Variants in TYW1B observed in about 807,000 individuals in gnomAD.
The protein encoded by TYW1B is S-adenosyl-L-methionine-dependent tRNA 4-demethylwyosine synthase TYW1B.
In TYW1B, 73 loss-of-function variants were observed where a neutral mutation model predicts 86.9. The ratio of observed to expected loss-of-function variants is 0.84; its 90% CI spans 0.70 to 1.02. TYW1B has a LOEUF of 1.02. Ranked by LOEUF, TYW1B falls within the 50% of genes least tolerant of loss-of-function variation. TYW1B has a pLI of 0.00. For synonymous variants in TYW1B, 248 were observed against 292.8 expected, an observed-to-expected ratio of 0.85 and a Z score of 1.56; for missense variants, 637 against 827.4, an observed-to-expected ratio of 0.77 and a Z score of 2.82.
chr7:72,574,799 C>T lies in TYW1B; in HGVS notation c.*699G>A, dbSNP rs1420704834. 1 of 985,324 alleles carries T rather than the reference C, an allele frequency of 1.0e-6. No homozygotes were observed. The highest frequency in any genetic ancestry group is 1.7e-5 in the African/African-American group (1 of 57,224). The allele number at this position is 985,324 out of a possible 1,614,324, so 61.0% of individuals were successfully genotyped here. On this transcript the variant is annotated 3_prime_UTR_variant, in exon 14 of 14. Coordinates refer to ENST00000620995, the MANE Select transcript of TYW1B (RefSeq NM_001145440.3). ...TGAGACTAATGACTCCATGCCCTCA[C>T]ATGGCCACTCCTCTTACAGCAGACA...
At chr7:72,584,955 T>C (rs1554430270) in intron 13 of TYW1B, among the ~76,000 whole-genome samples, 1 of 152,204 alleles carries the variant, frequency 6.6e-6, no homozygotes, top group East Asian at 1.9e-4. Flanking sequence ...TTTGATTTTA[T>C]TTACAAGCTT....
At chr7:72,786,773 T>C (rs1788137669) in intron 6 of TYW1B, among the ~76,000 whole-genome samples, 1 of 151,862 alleles carries the variant, frequency 6.6e-6, no homozygotes, top group Admixed American at 6.6e-5. Context: ...CAGGGTTTCG[T>C]CATATTGCCC....
intron 10 of TYW1B, among the ~76,000 whole-genome samples, chr7:72,701,265 C>A (rs563717259): frequency 7.9e-5 from 12 of 152,086 alleles, no homozygotes; most frequent in African/African-American, 2.9e-4. Context: ...TAGACATTTT[C>A]TTTTTATTTA....
chr7:72,799,924 C>T (rs1788376215), intron 6 of TYW1B, among the ~76,000 whole-genome samples: 1 of 152,038 alleles, frequency 6.6e-6, no homozygotes, highest in Non-Finnish European at 1.5e-5. Flanking sequence ...TTTTTCATTG[C>T]TTCTAGATTT....
intron 11 of TYW1B, among the ~76,000 whole-genome samples, chr7:72,633,633 T>C (rs1554440330): frequency 6.6e-6 from 1 of 152,200 alleles, no homozygotes. Flanking sequence ...AATAGTCTAG[T>C]TTTTGCCTGT....
chr7:72,785,970 G>A (rs538720314), intron 6 of TYW1B, among the ~76,000 whole-genome samples: 52 of 152,186 alleles, frequency 3.4e-4, no homozygotes, highest in African/African-American at 9.9e-4. Context: ...AAAATTAGCC[G>A]GGCGTGGTGG....
chr7:72,767,495 A>C (rs1554468735), intron 7 of TYW1B, among the ~76,000 whole-genome samples: 1 of 152,096 alleles, frequency 6.6e-6, no homozygotes, highest in African/African-American at 2.4e-5. Context: ...CTGTAGTCCC[A>C]GCTACTCAGG....
chr7:72,622,715 CACAACACACATACATGCACACAT>C (rs1311433299), intron 12 of TYW1B, among the ~76,000 whole-genome samples: 26 of 150,594 alleles, frequency 1.7e-4, no homozygotes, highest in Middle Eastern at 6.9e-3. Flanking sequence ...CATGCACACA[CACAACACACATACATGCACACAT>C]ACAACACACA....
intron 6 of TYW1B, among the ~76,000 whole-genome samples, chr7:72,781,275 G>C (rs1788045284): frequency 6.6e-6 from 1 of 152,124 alleles, no homozygotes; most frequent in South Asian, 2.1e-4. Context: ...GGAAAAGAAA[G>C]AATTAAGAAG....
At chr7:72,749,220 G>A (rs1361043021) in intron 7 of TYW1B, among the ~76,000 whole-genome samples, 1 of 152,164 alleles carries the variant, frequency 6.6e-6, no homozygotes, top group Non-Finnish European at 1.5e-5. Flanking sequence ...AAAATTGTTT[G>A]CAGCACTCCC....
intron 11 of TYW1B, among the ~76,000 whole-genome samples, chr7:72,636,854 T>C (rs188603160): frequency 4.6e-5 from 7 of 152,320 alleles, no homozygotes; most frequent in Middle Eastern, 3.4e-3. Context: ...AAATCGCTTT[T>C]GTCTTATTCT....
At chr7:72,699,736 A>C (rs1301837801) in intron 10 of TYW1B, among the ~76,000 whole-genome samples, 1 of 148,490 alleles carries the variant, frequency 6.7e-6, no homozygotes, top group Non-Finnish European at 1.5e-5. Flanking sequence ...CACAACCTCC[A>C]CCTCCCGGGT....
chr7:72,804,639 A>G (rs1788462964), intron 5 of TYW1B, among the ~76,000 whole-genome samples: 1 of 152,140 alleles, frequency 6.6e-6, no homozygotes, highest in African/African-American at 2.4e-5. Flanking sequence ...GGAGTTTGAG[A>G]TCAGCCTGGG....
chr7:72,646,004 A>G (rs1451526514), intron 11 of TYW1B, among the ~76,000 whole-genome samples: 1 of 148,566 alleles, frequency 6.7e-6, no homozygotes, highest in African/African-American at 2.4e-5. Context: ...TATATATATT[A>G]TATATATAAA....
intron 10 of TYW1B, among the ~76,000 whole-genome samples, chr7:72,709,998 TCA>T (rs1403209995): frequency 6.6e-6 from 1 of 152,172 alleles, no homozygotes; most frequent in Non-Finnish European, 1.5e-5. Flanking sequence ...CTGAGAAGAC[TCA>T]CCAGCAAGAG....
At chr7:72,758,421 T>C (rs1787630142) in intron 7 of TYW1B, among the ~76,000 whole-genome samples, 1 of 151,926 alleles carries the variant, frequency 6.6e-6, no homozygotes, top group African/African-American at 2.4e-5. Flanking sequence ...GTTCTATTCC[T>C]AAATAAACAT....
At chr7:72,687,676 A>T (rs1814040229) in intron 11 of TYW1B, among the ~76,000 whole-genome samples, 1 of 152,214 alleles carries the variant, frequency 6.6e-6, no homozygotes, top group African/African-American at 2.4e-5. Context: ...CAAAACAAAA[A>T]TAAATTCAAA....
chr7:72,669,134 C>CTTTTTTTTTT (rs781821639), intron 11 of TYW1B, among the ~76,000 whole-genome samples: 2 of 81,522 alleles, frequency 2.5e-5, no homozygotes, highest in African/African-American at 4.7e-5. Flanking sequence ...TAATTTTAAA[C>CTTTTTTTTTT]TTTTTTTTTT....
At chr7:72,656,717 G>A (rs773319004) in intron 11 of TYW1B, among the ~76,000 whole-genome samples, 16 of 152,286 alleles carry the variant, frequency 1.1e-4, no homozygotes, top group South Asian at 4.1e-4. Context: ...ATGGTGCTGC[G>A]ACCTGCTTCT....
Sources: gnomAD v4.1 joint callset for allele counts (sites outside exome capture counted in the v4.1 genomes callset) on GRCh38, gnomAD v4.1.1 for gene constraint, MANE v1.5 for transcripts, NCBI Gene and HGNC (gene_info 2026-07-23, HGNC 2026-07-21) for gene names.